The following XYLT1 variants were observed in gnomAD, a reference collection of about 807,000 sequenced individuals.
XYLT1 encodes beta-D-xylosyltransferase 1.
XYLT1 carries 36 observed loss-of-function variants against 91.3 expected under a neutral mutation model. That is an observed-to-expected ratio of 0.39 (90% CI 0.30 to 0.52). XYLT1 has a LOEUF of 0.52. Among genes scored for constraint, XYLT1 ranks in the 20% least tolerant of loss-of-function variants. The pLI is 0.68. For missense variants in XYLT1, 1,242 were observed against 1,284.5 expected (o/e 0.97, Z 0.51); for synonymous variants, 588 against 532.0 (o/e 1.11, Z -1.45).
At chr16:17,350,930 A>G (rs2035211540) in intron 2 of XYLT1, among the ~76,000 whole-genome samples, 1 of 152,190 alleles carries the variant, frequency 6.6e-6, no homozygotes, top group South Asian at 2.1e-4. Flanking sequence ...AGGCCTAAAT[A>G]TCAAGATATT....
chr16:17,258,967 G>A (rs766434640), intron 3 of XYLT1, 21 bp downstream of exon 3: 1 of 1,489,220 alleles, frequency 6.7e-7, no homozygotes, highest in Non-Finnish European at 8.9e-7. Context: ...CCCTCTCTGA[G>A]CCAGCGGGGT....
chr16:17,281,321 A>T (rs2034055363), intron 2 of XYLT1, among the ~76,000 whole-genome samples: 1 of 152,086 alleles, frequency 6.6e-6, no homozygotes, highest in African/African-American at 2.4e-5. Context: ...GGAGGCAGGC[A>T]TCAGAGCTCC....
At chr16:17,470,291 C>T in intron 1 of XYLT1, 143 bp downstream of exon 1, 1 of 1,072,182 alleles carries the variant, frequency 9.3e-7, no homozygotes, top group Non-Finnish European at 1.2e-6. Context: ...CCCCACCCGG[C>T]TTCCCGGGGC....
chr16:17,105,611 A>G lies in XYLT1; in HGVS notation c.*3084T>C, dbSNP rs1033188406. The G allele has an allele frequency of 2.6e-5, 4 of 152,128 alleles. No individual in the cohort carries two copies. The highest frequency in any genetic ancestry group is 5.9e-5 in the Non-Finnish European group (4 of 68,032). 9.4% of individuals were successfully genotyped at this position (152,128 alleles called of 1,614,324 possible). A position where few individuals can be genotyped will look rare whatever the true frequency, so the allele number is the denominator to read the frequency against. The stretch of plus-strand genomic sequence containing the variant: ...AATGTCACTCGGTGGGTGGGAAACT[A>G]TAAGGAGTGCCGCAGCCTAAAGAAT... On this transcript the variant is annotated 3_prime_UTR_variant, in exon 12 of 12. Coordinates refer to ENST00000261381, the MANE Select transcript of XYLT1 (RefSeq NM_022166.4).
In XYLT1 at chr16:17,459,246, C is replaced by T. The variant is rs2036783838; in HGVS notation, c.363+11188G>A. On this transcript the variant is annotated intron_variant, in intron 1 of 11. Transcript: ENST00000261381. Reference sequence around the variant, plus strand: ...AATTAGCCGGGCATGGTGGCACGCACCTGTAGTCCCACCTACTCAGGGGGC... The same window carrying T: ...AATTAGCCGGGCATGGTGGCACGCATCTGTAGTCCCACCTACTCAGGGGGC... Among the ~76,000 whole-genome samples, 6 of 152,230 alleles carry T rather than the reference C, an allele frequency of 3.9e-5. No homozygotes were observed. In the South Asian group the frequency reaches 1.2e-3, roughly 32 times the overall value.
At chr16:17,211,245 T>C (rs2032751133) in intron 3 of XYLT1, among the ~76,000 whole-genome samples, 1 of 152,076 alleles carries the variant, frequency 6.6e-6, no homozygotes, top group Admixed American at 6.5e-5. Context: ...CAAACTAGGA[T>C]GTGCTGAGTT....
At chr16:17,470,324 G>T in intron 1 of XYLT1, 110 bp downstream of exon 1, 1 of 1,171,102 alleles carries the variant, frequency 8.5e-7, no homozygotes, top group Non-Finnish European at 1.1e-6. Flanking sequence ...GGAGTCGGTA[G>T]GCTTGCAGAG....
At chr16:17,130,273 T>A (rs1357814694) in intron 9 of XYLT1, among the ~76,000 whole-genome samples, 1 of 152,244 alleles carries the variant, frequency 6.6e-6, no homozygotes, top group Non-Finnish European at 1.5e-5. Flanking sequence ...ATTACATGAA[T>A]GCATATTGTT....
At chr16:17,297,850 C>T (rs9927693) in intron 2 of XYLT1, among the ~76,000 whole-genome samples, 21,198 of 151,902 alleles carry the variant, frequency 0.14, 1,752 homozygotes, top group Middle Eastern at 0.2. Flanking sequence ...TGAAACCCCG[C>T]CTCTACTAAA....
At chr16:17,434,506 T>C (rs190820160) in intron 1 of XYLT1, among the ~76,000 whole-genome samples, 1 of 152,196 alleles carries the variant, frequency 6.6e-6, no homozygotes, top group East Asian at 1.9e-4. Context: ...ACAAAACAGA[T>C]CAGGCTTAGC....
rs758675308 is a variant in XYLT1 at position 17,127,777 on chromosome 16, A to T, written c.2112T>A (p.Ala704=). 1 of 1,614,058 alleles carries T rather than the reference A, an allele frequency of 6.2e-7. No individual in the cohort carries two copies. The highest frequency in any genetic ancestry group is 1.3e-5 in the African/African-American group (1 of 74,926). Residue 704 remains alanine (A), a synonymous_variant, in exon 10 of 12, where the codon GCT becomes GCA. Coordinates refer to ENST00000261381, the MANE Select transcript of XYLT1 (RefSeq NM_022166.4). ...CTAGTTTGCTCACAGCCAGATTGGT[A>T]GCATGATGCTTGATCAGAAAGCCCT... The part of the protein sequence containing the change: ...RFQGFLIKHH[A]TNLAVSKLET...
chr16:17,241,497 T>G (rs975783676), intron 3 of XYLT1, among the ~76,000 whole-genome samples: 16 of 152,232 alleles, frequency 1.1e-4, no homozygotes, highest in Admixed American at 1.0e-3. Context: ...AGGGCCCTCC[T>G]TCTTGGGAGC....
intron 5 of XYLT1, among the ~76,000 whole-genome samples, chr16:17,175,245 A>T (rs1271664954): frequency 6.6e-6 from 1 of 152,118 alleles, no homozygotes; most frequent in African/African-American, 2.4e-5. Context: ...AACCCCCCTA[A>T]AATAGGCAGC....
intron 1 of XYLT1, among the ~76,000 whole-genome samples, chr16:17,468,949 C>A (rs564426919): frequency 2.0e-5 from 3 of 152,278 alleles, no homozygotes; most frequent in African/African-American, 7.2e-5. Flanking sequence ...TCAAAGGCAG[C>A]GTTTCAGAGT....
chr16:17,323,623 C>T (rs1392363324), intron 2 of XYLT1, among the ~76,000 whole-genome samples: 5 of 152,172 alleles, frequency 3.3e-5, no homozygotes, highest in Non-Finnish European at 7.3e-5. Flanking sequence ...CAGCTCCGGA[C>T]TTGTACATGT....
At chr16:17,278,356 G>C (rs765138891) in intron 2 of XYLT1, among the ~76,000 whole-genome samples, 6 of 152,126 alleles carry the variant, frequency 3.9e-5, no homozygotes, top group Admixed American at 6.6e-5. Flanking sequence ...TACTGAAGCC[G>C]GGCTGCTTCC....
At chr16:17,216,870 C>T (rs191476770) in intron 3 of XYLT1, among the ~76,000 whole-genome samples, 8 of 152,332 alleles carry the variant, frequency 5.3e-5, no homozygotes, top group African/African-American at 9.6e-5. Context: ...TGGTCCTCTT[C>T]GTCAAGCCTA....
At chr16:17,156,730 C>T (rs1335715912) in intron 6 of XYLT1, among the ~76,000 whole-genome samples, 1 of 152,180 alleles carries the variant, frequency 6.6e-6, no homozygotes, top group Non-Finnish European at 1.5e-5. Flanking sequence ...CTTACTCATC[C>T]AGCCAGGCCT....
chr16:17,288,802 A>G (rs944542428), intron 2 of XYLT1, among the ~76,000 whole-genome samples: 3 of 152,174 alleles, frequency 2.0e-5, no homozygotes, highest in South Asian at 2.1e-4. Context: ...TGACAGCCCA[A>G]CTGAGATCAG....
Sources: gnomAD v4.1 joint callset for allele counts (sites outside exome capture counted in the v4.1 genomes callset) on GRCh38, gnomAD v4.1.1 for gene constraint, MANE v1.5 for transcripts, NCBI Gene and HGNC (gene_info 2026-07-23, HGNC 2026-07-21) for gene names.